The following CDK7 variants were observed in gnomAD, a reference collection of about 807,000 sequenced individuals.
The protein encoded by CDK7 is cyclin-dependent kinase 7.
Under a neutral mutation model 49.1 loss-of-function variants are expected in CDK7, and 25 were observed. The observed-to-expected ratio is 0.51, with a 90% CI of 0.37 to 0.71. The LOEUF is 0.71. CDK7 is among the 30% of genes least tolerant of loss of function. The pLI is 0.00. For missense variants in CDK7, 316 were observed against 411.7 expected (o/e 0.77, Z 2.01); for synonymous variants, 107 against 140.0 (o/e 0.76, Z 1.67).
intron 2 of CDK7, among the ~76,000 whole-genome samples, chr5:69,248,790 C>CTTT (rs61331502): frequency 3.6e-4 from 40 of 110,464 alleles, no homozygotes; most frequent in African/African-American, 1.1e-3. Flanking sequence ...ACCTTCTTTT[C>CTTT]TTTTTTTTTT....
intron 2 of CDK7, among the ~76,000 whole-genome samples, chr5:69,249,575 T>C (rs113903181): frequency 0.15 from 23,184 of 150,300 alleles, 1,913 homozygotes; most frequent in African/African-American, 0.21. Context: ...AGTGTGGGTA[T>C]GGTGGCTGAC....
chr5:69,255,069 A>G (rs1371291325), intron 4 of CDK7, among the ~76,000 whole-genome samples: 1 of 152,216 alleles, frequency 6.6e-6, no homozygotes, highest in Non-Finnish European at 1.5e-5. Flanking sequence ...AGTATCTGGA[A>G]TAGTGCCTAC....
chr5:69,234,937 C>A lies in CDK7; in HGVS notation c.-39C>A. The A allele has an allele frequency of 6.4e-7, 1 of 1,562,832 alleles. No individual in the cohort carries two copies. The highest frequency in any genetic ancestry group is 8.7e-7 in the Non-Finnish European group (1 of 1,150,982). On this transcript the variant is annotated 5_prime_UTR_variant, in exon 1 of 12. Transcript: ENST00000256443. ...CTTTAAATTCGTGTTGTCCTGGGAG[C>A]TCGCCCTTTTCGGCTGGAGTCGGGC...
At chr5:69,255,756 C>T in intron 5 of CDK7, 3 of 532,414 alleles carry the variant, frequency 5.6e-6, no homozygotes, top group South Asian at 2.1e-5. Context: ...GCATTTCTGC[C>T]TTCTAAGTTC....
At chr5:69,241,314 CTTTTTTT>C (rs747725798) in intron 2 of CDK7, among the ~76,000 whole-genome samples, 26 of 35,192 alleles carry the variant, frequency 7.4e-4, no homozygotes, top group African/African-American at 1.7e-3. Context: ...TAGGTTTTTT[CTTTTTTT>C]TTTTTTTTTT....
At chr5:69,235,158 G>C (rs1051645388) in intron 1 of CDK7, 117 bp downstream of exon 1, 2 of 1,016,734 alleles carry the variant, frequency 2.0e-6, no homozygotes, top group African/African-American at 1.6e-5. Context: ...TTCTCGTTGG[G>C]GGAAACCGTC....
At chr5:69,256,436 C>T (rs775996198) in intron 5 of CDK7, among the ~76,000 whole-genome samples, 1 of 152,050 alleles carries the variant, frequency 6.6e-6, no homozygotes, top group Non-Finnish European at 1.5e-5. Flanking sequence ...TCACTGCAAC[C>T]TCTGCCTCCC....
intron 2 of CDK7, among the ~76,000 whole-genome samples, chr5:69,240,512 T>G (rs947482748): frequency 6.6e-6 from 1 of 152,188 alleles, no homozygotes; most frequent in Non-Finnish European, 1.5e-5. Context: ...ATGAATGAAG[T>G]AAGTGTGGCA....
At chr5:69,268,080 C>G (rs894696012) in intron 8 of CDK7, among the ~76,000 whole-genome samples, 1 of 152,166 alleles carries the variant, frequency 6.6e-6, no homozygotes, top group Non-Finnish European at 1.5e-5. Context: ...CCTGCCTCAG[C>G]CTCCTGAGGA....
intron 5 of CDK7, among the ~76,000 whole-genome samples, chr5:69,256,665 C>G (rs1344380173): frequency 6.6e-6 from 1 of 152,026 alleles, no homozygotes; most frequent in Non-Finnish European, 1.5e-5. Context: ...AAATACCTAG[C>G]AGTGGTATTG....
At position 69,234,910 on chromosome 5, in the gene CDK7, A is replaced by G. The variant is rs2150174652; in HGVS notation, c.-66A>G. The G allele has an allele frequency of 2.0e-6, 3 of 1,475,456 alleles. No homozygotes were observed. The highest frequency in any genetic ancestry group is 1.4e-5 in the African/African-American group (1 of 71,942). 91.4% of individuals were successfully genotyped at this position (1,475,456 alleles called of 1,614,324 possible). ...AAGTGGGTGTTGGAGGCTTTAAGGTAGCTTTAAATTCGTGTTGTCCTGGGA... is the reference window on the plus strand; with the variant it reads ...AAGTGGGTGTTGGAGGCTTTAAGGTGGCTTTAAATTCGTGTTGTCCTGGGA... On this transcript the variant is annotated 5_prime_UTR_variant, in exon 1 of 12. Coordinates refer to ENST00000256443, the MANE Select transcript of CDK7 (RefSeq NM_001799.4).
At chr5:69,247,867 C>G (rs1364730608) in intron 2 of CDK7, among the ~76,000 whole-genome samples, 1 of 152,036 alleles carries the variant, frequency 6.6e-6, no homozygotes, top group East Asian at 1.9e-4. Context: ...ACTAATAAAA[C>G]TCTGCGTTTT....
At chr5:69,273,818 G>T (rs1751821060) in intron 10 of CDK7, among the ~76,000 whole-genome samples, 1 of 152,110 alleles carries the variant, frequency 6.6e-6, no homozygotes. Context: ...CAAAATCATT[G>T]TTTAATGCAC....
Position 69,252,469 on chromosome 5 carries a change from T to C in CDK7, c.160+18T>C, listed in dbSNP as rs1265423705. On this transcript the variant is annotated intron_variant, in intron 3 of 11. Coordinates refer to ENST00000256443, the MANE Select transcript of CDK7 (RefSeq NM_001799.4). ...TAAAGATGGTAAGTATTTCATGTAA[T>C]CTGACAGATAGGAAAAGTTTTCTCC... 7.9e-7 allele frequency: 1 copy of C among 1,263,004 alleles called. No individual in the cohort carries two copies. The highest frequency in any genetic ancestry group is 1.1e-6 in the Non-Finnish European group (1 of 898,614). The allele number at this position is 1,263,004 out of a possible 1,614,324, so 78.2% of individuals were successfully genotyped here. A position where few individuals can be genotyped will look rare whatever the true frequency, so the allele number is the denominator to read the frequency against.
At chr5:69,250,926 G>A (rs1750096286) in intron 2 of CDK7, 2 of 453,730 alleles carry the variant, frequency 4.4e-6, no homozygotes, top group South Asian at 1.6e-5. Context: ...AAGAAATTCT[G>A]TGGGTTTTTT....
At position 69,254,447 on chromosome 5, in the gene CDK7, G is replaced by A. The variant is rs777645959; in HGVS notation, c.161-155G>A. On this transcript the variant is annotated intron_variant, in intron 3 of 11. Coordinates refer to ENST00000256443, the MANE Select transcript of CDK7 (RefSeq NM_001799.4). Reference sequence around the variant, plus strand: ...TGAGGCAGGAGAATTGCTTGAACCCGGGAAGCAGAGGTTGCAGTGAGCCGA... The same window carrying A: ...TGAGGCAGGAGAATTGCTTGAACCCAGGAAGCAGAGGTTGCAGTGAGCCGA... 1.2e-4 allele frequency among the ~76,000 whole-genome samples: 18 copies of A among 151,404 alleles called. No individual in the cohort carries two copies. In the South Asian group the frequency reaches 1.9e-3, roughly 16 times the overall value.
chr5:69,256,285 A>C (rs1291628075), intron 5 of CDK7, among the ~76,000 whole-genome samples: 1 of 152,154 alleles, frequency 6.6e-6, no homozygotes, highest in Non-Finnish European at 1.5e-5. Context: ...TAAAAAATAA[A>C]GAAACTTATT....
At chr5:69,263,155 T>C (rs1750942879) in intron 8 of CDK7, among the ~76,000 whole-genome samples, 1 of 152,202 alleles carries the variant, frequency 6.6e-6, no homozygotes. Flanking sequence ...AGATGCTGAC[T>C]TGGAAACTTC....
chr5:69,271,931 G>GT (rs377452875), intron 9 of CDK7, among the ~76,000 whole-genome samples: 20,946 of 145,608 alleles, frequency 0.14, 1,558 homozygotes, highest in African/African-American at 0.2. Context: ...TTCAGTTTTT[G>GT]TTTTTTTTTT....
Sources: gnomAD v4.1 joint callset for allele counts (sites outside exome capture counted in the v4.1 genomes callset) on GRCh38, gnomAD v4.1.1 for gene constraint, MANE v1.5 for transcripts, NCBI Gene and HGNC (gene_info 2026-07-23, HGNC 2026-07-21) for gene names.